C1orf146: variants seen among roughly 807,000 people sequenced by gnomAD.
C1orf146 encodes protein SPO16 homolog.
In C1orf146, 22 loss-of-function variants were observed where a neutral mutation model predicts 23.0. The observed-to-expected ratio is 0.96, with a 90% CI of 0.68 to 1.36. The LOEUF (loss-of-function observed/expected upper bound fraction) is 1.36. Among genes scored for constraint, C1orf146 ranks in the 40% most tolerant of loss-of-function variants. The pLI is 0.00. For missense variants in C1orf146, 199 were observed against 206.8 expected (o/e 0.96, Z 0.23); for synonymous variants, 59 against 65.3 (o/e 0.90, Z 0.47).
chr1:92,220,929 A>G (rs1194475977), intron 1 of C1orf146, among the ~76,000 whole-genome samples: 10 of 152,380 alleles, frequency 6.6e-5, no homozygotes, highest in Admixed American at 6.5e-4. Flanking sequence ...GGTTACGAGT[A>G]TCTTCAACTT....
At chr1:92,242,118 A>T (rs1652444928) in intron 2 of C1orf146, 94 bp from the exon 3 acceptor site, 1 of 573,428 alleles carries the variant, frequency 1.7e-6, no homozygotes. Context: ...AGTGGTAGTT[A>T]TAAAACAACA....
intron 1 of C1orf146, among the ~76,000 whole-genome samples, chr1:92,224,704 T>G (rs964940312): frequency 1.3e-5 from 2 of 152,204 alleles, no homozygotes; most frequent in Admixed American, 1.3e-4. Flanking sequence ...TTCCATTGAT[T>G]TCTGCTTTAA....
At chr1:92,223,452 T>TTGGTGA (rs1557484555) in intron 1 of C1orf146, among the ~76,000 whole-genome samples, 1 of 152,218 alleles carries the variant, frequency 6.6e-6, no homozygotes, top group Non-Finnish European at 1.5e-5. Flanking sequence ...TATATCTTCT[T>TTGGTGA]TGGTGAATAA....
At chr1:92,242,358 A>C (rs1475134676) in intron 3 of C1orf146, 53 bp downstream of exon 3, 1 of 959,770 alleles carries the variant, frequency 1.0e-6, no homozygotes, top group Non-Finnish European at 1.6e-6. Context: ...TGTTGGTATA[A>C]ATTCTAATGA....
rs779758918 is a variant in C1orf146 at position 92,231,525 on chromosome 1, A to G, written c.66+39A>G. 3.5e-6 allele frequency: 5 copies of G among 1,443,778 alleles called. No homozygotes were observed. The South Asian group carries it at 6.2e-5, about 18-fold the overall frequency. 89.4% of individuals were successfully genotyped at this position (1,443,778 alleles called of 1,614,324 possible). On this transcript the variant is annotated intron_variant, in intron 2 of 5. Coordinates refer to ENST00000370375, the MANE Select transcript of C1orf146 (RefSeq NM_001012425.2). The stretch of plus-strand genomic sequence containing the variant: ...TGGGCCACTGATCTTTAACTTAAAA[A>G]AATTAAAAGCAGCTTTCATATAGAA...
intron 2 of C1orf146, among the ~76,000 whole-genome samples, chr1:92,233,332 A>G (rs1652182616): frequency 6.6e-6 from 1 of 151,118 alleles, no homozygotes; most frequent in Non-Finnish European, 1.5e-5. Flanking sequence ...ACATATGGCT[A>G]GCCAGTTTTC....
At chr1:92,237,362 A>G (rs1402599947) in intron 2 of C1orf146, among the ~76,000 whole-genome samples, 1 of 152,184 alleles carries the variant, frequency 6.6e-6, no homozygotes, top group Non-Finnish European at 1.5e-5. Flanking sequence ...GAAGTTTGCT[A>G]GAGGTCCACT....
chr1:92,230,818 G>A (rs771015587), intron 1 of C1orf146, among the ~76,000 whole-genome samples: 1 of 152,062 alleles, frequency 6.6e-6, no homozygotes, highest in Non-Finnish European at 1.5e-5. Flanking sequence ...TTCCCTATGT[G>A]AGATATATAG....
At chr1:92,229,417 G>A (rs1570789499) in intron 1 of C1orf146, 7 of 530,666 alleles carry the variant, frequency 1.3e-5, no homozygotes, top group Non-Finnish European at 2.7e-5. Context: ...CCGTCGGGCA[G>A]CTTGTAGCTC....
intron 2 of C1orf146, chr1:92,240,799 C>T (rs1386239650): frequency 5.6e-6 from 2 of 356,756 alleles, no homozygotes; most frequent in African/African-American, 4.4e-5. Flanking sequence ...GCTAGGATTA[C>T]AGGTGTGAGC....
intron 1 of C1orf146, among the ~76,000 whole-genome samples, chr1:92,222,065 C>T (rs1033347953): frequency 9.2e-5 from 14 of 152,018 alleles, no homozygotes; most frequent in African/African-American, 3.1e-4. Context: ...TGGCGAAACC[C>T]CATCTTAACT....
chr1:92,235,458 C>A (rs1445814744), intron 2 of C1orf146, among the ~76,000 whole-genome samples: 1 of 152,034 alleles, frequency 6.6e-6, no homozygotes, highest in Non-Finnish European at 1.5e-5. Flanking sequence ...AGTTTGATTG[C>A]ACTGTGGTCT....
intron 1 of C1orf146, among the ~76,000 whole-genome samples, chr1:92,222,609 C>T (rs1252772257): frequency 2.6e-5 from 3 of 114,242 alleles, no homozygotes; most frequent in Admixed American, 1.2e-4. Flanking sequence ...TTTTTTGAGA[C>T]GGAGTCTTGC....
chr1:92,224,608 G>A (rs111866189), intron 1 of C1orf146, among the ~76,000 whole-genome samples: 16 of 152,200 alleles, frequency 1.1e-4, no homozygotes, highest in African/African-American at 3.9e-4. Flanking sequence ...TTCCAACACC[G>A]TTTATCGTAA....
chr1:92,225,823 G>A (rs1225611077), intron 1 of C1orf146, among the ~76,000 whole-genome samples: 4 of 151,864 alleles, frequency 2.6e-5, no homozygotes, highest in Non-Finnish European at 4.4e-5. Context: ...TTTTTTATCA[G>A]TATAGCCACT....
intron 1 of C1orf146, among the ~76,000 whole-genome samples, chr1:92,222,995 G>C (rs1017901351): frequency 2.0e-5 from 3 of 152,092 alleles, no homozygotes; most frequent in African/African-American, 7.2e-5. Context: ...CGGGTTATGT[G>C]TATCAATAGT....
chr1:92,228,468 C>T (rs1652023446), intron 1 of C1orf146, among the ~76,000 whole-genome samples: 2 of 152,090 alleles, frequency 1.3e-5, no homozygotes, highest in Non-Finnish European at 2.9e-5. Context: ...AATTTGTAAC[C>T]TAAGGCTCTG....
chr1:92,244,148 T>C, intron 3 of C1orf146, 69 bp from the exon 4 acceptor site: 1 of 1,128,264 alleles, frequency 8.9e-7, no homozygotes, highest in Non-Finnish European at 1.3e-6. Flanking sequence ...TTTTGGTTGA[T>C]TTTGAGTTTA....
At position 92,220,063 on chromosome 1, in the gene C1orf146, T is replaced by A. The variant is rs1651782065; in HGVS notation, c.-40+2015T>A. On this transcript the variant is annotated intron_variant, in intron 1 of 5. Coordinates refer to ENST00000370375, the MANE Select transcript of C1orf146 (RefSeq NM_001012425.2). ...CTTATGACATGCCCCATCAATGCCA[T>A]CTGTGTGGGGTTTTTTTGTTTGTTT... 2.6e-5 allele frequency among the ~76,000 whole-genome samples: 4 copies of A among 152,276 alleles called. No homozygotes were observed. In the South Asian group the frequency reaches 8.3e-4, roughly 32 times the overall value.
Sources: gnomAD v4.1 joint callset for allele counts (sites outside exome capture counted in the v4.1 genomes callset) on GRCh38, gnomAD v4.1.1 for gene constraint, MANE v1.5 for transcripts, NCBI Gene and HGNC (gene_info 2026-07-23, HGNC 2026-07-21) for gene names.